Variants in TMEM132B observed in about 807,000 individuals in gnomAD.
TMEM132B encodes transmembrane protein 132B.
A neutral mutation model predicts 90.8 loss-of-function variants in TMEM132B; 18 were observed. The observed-to-expected ratio is 0.20, with a 90% confidence interval of 0.14 to 0.29. TMEM132B has a LOEUF of 0.29. Ranked by LOEUF, TMEM132B falls within the 10% of genes least tolerant of loss-of-function variation. TMEM132B has a pLI of 1.00. For synonymous variants in TMEM132B, 504 were observed against 523.3 expected (o/e 0.96, Z 0.50); for missense variants, 1,096 against 1,326.8 (o/e 0.83, Z 2.70).
At chr12:125,311,087 A>G (rs1015280336) in intron 1 of TMEM132B, among the ~76,000 whole-genome samples, 7 of 152,202 alleles carry the variant, frequency 4.6e-5, no homozygotes, top group South Asian at 2.1e-4. Flanking sequence ...ACATCTTCTT[A>G]GACATAATTG....
At chr12:125,430,422 C>T (rs1033231195) in intron 3 of TMEM132B, among the ~76,000 whole-genome samples, 7 of 152,004 alleles carry the variant, frequency 4.6e-5, no homozygotes, top group South Asian at 2.1e-4. Context: ...ATAGTGTGGG[C>T]GGAAACCCGG....
At chr12:125,401,517 T>A in intron 2 of TMEM132B, among the ~76,000 whole-genome samples, 1 of 152,088 alleles carries the variant, frequency 6.6e-6, no homozygotes, top group Non-Finnish European at 1.5e-5. Context: ...TGAAGGAGAT[T>A]AGGGAATGAG....
At chr12:125,505,184 A>AC (rs759860832) in intron 3 of TMEM132B, among the ~76,000 whole-genome samples, 2 of 144,234 alleles carry the variant, frequency 1.4e-5, no homozygotes, top group African/African-American at 5.0e-5. Context: ...AAAAAAAAAA[A>AC]AAAAAAAAAA....
intron 3 of TMEM132B, among the ~76,000 whole-genome samples, chr12:125,439,154 T>C (rs1168212272): frequency 6.6e-6 from 1 of 152,118 alleles, no homozygotes; most frequent in Non-Finnish European, 1.5e-5. Context: ...CTCTTTTTTT[T>C]TTTGGTTTTA....
At chr12:125,426,135 G>C (rs1430723125) in intron 3 of TMEM132B, among the ~76,000 whole-genome samples, 1 of 152,144 alleles carries the variant, frequency 6.6e-6, no homozygotes, top group South Asian at 2.1e-4. Flanking sequence ...TTGGATTTTA[G>C]CCATTCTAAT....
intron 3 of TMEM132B, among the ~76,000 whole-genome samples, chr12:125,507,854 G>A (rs1487854292): frequency 6.6e-6 from 1 of 152,208 alleles, no homozygotes; most frequent in Non-Finnish European, 1.5e-5. Context: ...TCTGGCTGCT[G>A]TGTGGAGAGA....
chr12:125,643,730 G>A (rs1265637188), intron 5 of TMEM132B, among the ~76,000 whole-genome samples: 1 of 152,080 alleles, frequency 6.6e-6, no homozygotes, highest in Non-Finnish European at 1.5e-5. Flanking sequence ...TGAACTATGA[G>A]GCACCTGGGG....
chr12:125,632,474 A>G (rs568242544), intron 5 of TMEM132B, among the ~76,000 whole-genome samples: 1 of 152,162 alleles, frequency 6.6e-6, no homozygotes, highest in Non-Finnish European at 1.5e-5. Context: ...TGTCCTTACT[A>G]TTACTAGTGA....
chr12:125,654,598 A>C lies in TMEM132B; in HGVS notation c.3140A>C (p.Asn1047Thr). 1 of 1,613,856 alleles carries C rather than the reference A, an allele frequency of 6.2e-7. No homozygotes were observed. Among genetic ancestry groups the C allele is most frequent in the Non-Finnish European group, 8.5e-7 (1 of 1,179,958 alleles). Residue 1047 changes from asparagine to threonine, a missense_variant, in exon 9 of 9, where the codon AAC becomes ACC. Physicochemically the swap from Asn to Thr is moderately conservative, Grantham distance 65. Coordinates refer to ENST00000682704, the MANE Select transcript of TMEM132B (RefSeq NM_001366854.1). The surrounding 1 kb of genome is among the most constrained non-coding windows in gnomAD (Gnocchi z 5.8). Reference sequence around the variant, plus strand: ...CCAGAGGACGGCGGCCCATACACCAACTCCATCCTGTTTGACAGCGATGAT... The same window carrying C: ...CCAGAGGACGGCGGCCCATACACCACCTCCATCCTGTTTGACAGCGATGAT... ...ILPEDGGPYT[N>T]SILFDSDDNI...
At position 125,459,573 on chromosome 12, in the gene TMEM132B, G is replaced by A. The variant is rs1376669895; in HGVS notation, c.1106+43896G>A. Among the ~76,000 whole-genome samples the A allele has an allele frequency of 1.3e-5, 2 of 152,184 alleles. No homozygotes were observed. The highest frequency in any genetic ancestry group is 2.9e-5 in the Non-Finnish European group (2 of 68,034). On this transcript the variant is annotated intron_variant, in intron 3 of 8. Transcript: ENST00000682704. This position sits in a 1 kb window ranked among gnomAD's most constrained non-coding sequence, Gnocchi z 4.1. ...ATGTCTAATGGGTACAAAAAATATA[G>A]TTACAAAGAATGAATAAGACCTACT...
intron 2 of TMEM132B, among the ~76,000 whole-genome samples, chr12:125,409,663 GT>G (rs1358024140): frequency 1.2e-4 from 8 of 69,176 alleles, no homozygotes; most frequent in Non-Finnish European, 1.8e-4. Context: ...GTGGAGTGGA[GT>G]GAGTGGAGTG....
At chr12:125,426,734 G>T (rs924149537) in intron 3 of TMEM132B, among the ~76,000 whole-genome samples, 1 of 152,200 alleles carries the variant, frequency 6.6e-6, no homozygotes, top group African/African-American at 2.4e-5. Context: ...CGACCTAGTG[G>T]TCCTGTTGCC....
chr12:125,546,332 G>A (rs1017929241), intron 4 of TMEM132B, among the ~76,000 whole-genome samples: 5 of 151,936 alleles, frequency 3.3e-5, no homozygotes, highest in Admixed American at 6.6e-5. Context: ...ACAGGCACCC[G>A]CCACCACGCC....
chr12:125,556,856 G>A (rs559423116), intron 4 of TMEM132B, among the ~76,000 whole-genome samples: 4 of 152,218 alleles, frequency 2.6e-5, no homozygotes, highest in South Asian at 2.1e-4. Flanking sequence ...CCGGGTTCAC[G>A]CCATTCTCCT....
At chr12:125,377,290 G>T (rs1333407047) in intron 2 of TMEM132B, among the ~76,000 whole-genome samples, 3 of 152,218 alleles carry the variant, frequency 2.0e-5, no homozygotes, top group African/African-American at 7.2e-5. Context: ...TTATCCTGAA[G>T]GTCAAGGAGC....
intron 5 of TMEM132B, chr12:125,585,276 G>T (rs930997497): frequency 2.0e-5 from 3 of 152,166 alleles, no homozygotes; most frequent in Non-Finnish European, 2.9e-5. Context: ...TGCACACATA[G>T]CCCTGCCTGG....
chr12:125,632,194 A>G (rs1219316628), intron 5 of TMEM132B, among the ~76,000 whole-genome samples: 1 of 152,050 alleles, frequency 6.6e-6, no homozygotes, highest in East Asian at 1.9e-4. Context: ...TGTGAATACT[A>G]TCTTATAACC....
chr12:125,206,911 G>A (rs1282540922), intron 1 of TMEM132B, among the ~76,000 whole-genome samples: 1 of 152,210 alleles, frequency 6.6e-6, no homozygotes, highest in Non-Finnish European at 1.5e-5. Flanking sequence ...TGGTGAAAAT[G>A]CAATTGGCTC....
chr12:125,367,444 C>G (rs554014951), intron 2 of TMEM132B, among the ~76,000 whole-genome samples: 1 of 152,282 alleles, frequency 6.6e-6, no homozygotes, highest in African/African-American at 2.4e-5. Context: ...TCTGCATATA[C>G]AAGATTCAAT....
Sources: gnomAD v4.1 joint callset for allele counts (sites outside exome capture counted in the v4.1 genomes callset) on GRCh38, gnomAD v4.1.1 for gene constraint, Gnocchi (gnomAD v3.1) non-coding constraint, MANE v1.5 for transcripts, NCBI Gene and HGNC (gene_info 2026-07-23, HGNC 2026-07-21) for gene names.